The following SACS variants were observed in gnomAD, a reference collection of about 807,000 sequenced individuals.
SACS encodes sacsin molecular chaperone, also known as sacsin.
SACS carries 197 observed loss-of-function variants against 348.0 expected under a neutral mutation model. That is an observed-to-expected ratio of 0.57 (90% CI 0.50 to 0.64). SACS has a LOEUF of 0.64. Among genes scored for constraint, SACS ranks in the 30% least tolerant of loss-of-function variants. The probability of loss-of-function intolerance (pLI) is 0.00; values close to 1 mark genes in which losing one functional copy is unlikely to be tolerated. For missense variants in SACS, 4,999 were observed against 5,360.8 expected (o/e 0.93, Z 2.11); for synonymous variants, 1,985 against 1,910.6 (o/e 1.04, Z -1.02).
chr13:23,414,257 T>C (rs971907177), intron 1 of SACS, among the ~76,000 whole-genome samples: 2 of 152,106 alleles, frequency 1.3e-5, no homozygotes, highest in African/African-American at 4.8e-5. Context: ...TGAGCAGAGA[T>C]CGCACCACTG....
chr13:23,386,499 G>C (rs1278264160), intron 2 of SACS, among the ~76,000 whole-genome samples: 1 of 152,190 alleles, frequency 6.6e-6, no homozygotes, highest in East Asian at 1.9e-4. Flanking sequence ...TTTGGGTTAG[G>C]CTTTGGCTTA....
intron 1 of SACS, among the ~76,000 whole-genome samples, chr13:23,430,906 C>T (rs577117127): frequency 3.9e-5 from 6 of 152,150 alleles, no homozygotes; most frequent in Admixed American, 1.3e-4. Context: ...TTCACATCGT[C>T]GTCAATTTGA....
rs1370563155 is a variant in SACS at position 23,405,698 on chromosome 13, G to GA, written c.20+5521dup. ...CAAGGAACTTAAACAAATCTACAAG[G>GA]AAAAAAAAAACCCCATTAAAAAGTG... On this transcript the variant is annotated intron_variant, in intron 2 of 9. Coordinates refer to ENST00000382292, the MANE Select transcript of SACS (RefSeq NM_014363.6). Among the ~76,000 whole-genome samples the GA allele has an allele frequency of 3.2e-3, 462 of 144,876 alleles. 1 individual carries two copies. The highest frequency in any genetic ancestry group is 4.7e-3 in the Non-Finnish European group (311 of 65,774).
chr13:23,403,883 G>C (rs1225689958), intron 2 of SACS, among the ~76,000 whole-genome samples: 1 of 152,144 alleles, frequency 6.6e-6, no homozygotes, highest in Non-Finnish European at 1.5e-5. Context: ...TGGGCATTTA[G>C]TGCTATAAAT....
intron 1 of SACS, among the ~76,000 whole-genome samples, chr13:23,416,379 A>G (rs1593181064): frequency 6.6e-6 from 1 of 152,270 alleles, no homozygotes; most frequent in African/African-American, 2.4e-5. Flanking sequence ...CAAAGATACA[A>G]TGGGGACTAT....
intron 1 of SACS, among the ~76,000 whole-genome samples, chr13:23,412,684 GGGA>G (rs1483400953): frequency 4.6e-5 from 7 of 152,098 alleles, no homozygotes; most frequent in African/African-American, 1.7e-4. Context: ...CCAAACTGCT[GGGA>G]TTACAGGTGT....
rs536959439 is a variant in SACS, at chr13:23,394,647, AGTTTGAGACTG to A, written c.20+16562_20+16572del. On this transcript the variant is annotated intron_variant, in intron 2 of 9. Transcript: ENST00000382292. ...GGCAAGTGGATCACCTGAGGTCAGG[AGTTTGAGACTG>A]GTTTGGCCAACATGGTGAAACCCCA... 1.2e-3 allele frequency among the ~76,000 whole-genome samples: 188 copies of A among 152,314 alleles called. 1 individual carries two copies. The highest frequency in any genetic ancestry group is 2.9e-3 in the African/African-American group (119 of 41,570).
At chr13:23,399,781 C>T (rs1387089633) in intron 2 of SACS, among the ~76,000 whole-genome samples, 1 of 152,012 alleles carries the variant, frequency 6.6e-6, no homozygotes, top group African/African-American at 2.4e-5. Context: ...TCTAACATCC[C>T]CCATCACAGA....
chr13:23,343,277 AT>A (rs1187337520), intron 9 of SACS, among the ~76,000 whole-genome samples: 53 of 152,336 alleles, frequency 3.5e-4, no homozygotes, highest in African/African-American at 1.2e-3. Context: ...ATGAAAAAAA[AT>A]AACACCATAC....
In SACS at chr13:23,332,220, TG is replaced by T; in HGVS notation, c.11655del (p.Phe3885LeufsTer11). On this transcript the variant is annotated frameshift_variant, in exon 10 of 10. Coordinates refer to ENST00000382292, the MANE Select transcript of SACS (RefSeq NM_014363.6). LOFTEE classifies it high-confidence loss of function. Reference sequence around the variant, plus strand: ...TTGACTGAATCATTCTGTAGACTCCTGAACAGACCAGAAACTACTCTCTTAA... The same window carrying T: ...TTGACTGAATCATTCTGTAGACTCCTAACAGACCAGAAACTACTCTCTTAA... Reference protein sequence around the residue: ...RTVKRVVSGLFRSLQNDSVKV... With the variant: ...RTVKRVVSGLXRSLQNDSVKV... 1 of 1,613,998 alleles carries T rather than the reference TG, an allele frequency of 6.2e-7. No individual in the cohort carries two copies. The highest frequency in any genetic ancestry group is 1.1e-5 in the South Asian group (1 of 91,080).
intron 9 of SACS, among the ~76,000 whole-genome samples, chr13:23,346,636 TAAA>T (rs1164281959): frequency 6.6e-6 from 1 of 152,112 alleles, no homozygotes; most frequent in Middle Eastern, 3.2e-3. Flanking sequence ...TTTGTAATAA[TAAA>T]AATCTGTATT....
chr13:23,375,886 T>C (rs1416924011), intron 2 of SACS, among the ~76,000 whole-genome samples: 2 of 152,096 alleles, frequency 1.3e-5, no homozygotes, highest in African/African-American at 4.8e-5. Context: ...AGCTCAACAG[T>C]GCATTGAAAT....
At position 23,390,520 on chromosome 13, in the gene SACS, G is replaced by T. The variant is rs189942540; in HGVS notation, c.21-15251C>A. 1.8e-4 allele frequency among the ~76,000 whole-genome samples: 27 copies of T among 152,016 alleles called. No individual in the cohort carries two copies. In the East Asian group the frequency reaches 5.2e-3, roughly 30 times the overall value. ...ACAAAAAATATAAAAATTAGCTGGG[G>T]GACTAATTTTATATTTAGTGTGTGG... is the stretch of plus-strand genomic sequence containing the variant. On this transcript the variant is annotated intron_variant, in intron 2 of 9. Coordinates refer to ENST00000382292, the MANE Select transcript of SACS (RefSeq NM_014363.6).
rs1870103438 is a variant in SACS at position 23,353,429 on chromosome 13, G to T, written c.2185+356C>A. On this transcript the variant is annotated intron_variant, in intron 9 of 9. Coordinates refer to ENST00000382292, the MANE Select transcript of SACS (RefSeq NM_014363.6). The stretch of plus-strand genomic sequence containing the variant: ...TTAACCTTTCTCTCTCCTCTTCTGT[G>T]AAATTTAATAATCACTGTCATTACC... Among the ~76,000 whole-genome samples the T allele has an allele frequency of 3.3e-5, 5 of 152,180 alleles. No individual in the cohort carries two copies. The South Asian group carries it at 1.0e-3, about 31-fold the overall frequency.
chr13:23,424,450 G>A (rs1449386264), intron 1 of SACS, among the ~76,000 whole-genome samples: 4 of 152,122 alleles, frequency 2.6e-5, no homozygotes, highest in South Asian at 2.1e-4. Flanking sequence ...ACTTGAACCC[G>A]GGAGGCGGAG....
intron 1 of SACS, among the ~76,000 whole-genome samples, chr13:23,429,429 A>C (rs150881401): frequency 0.013 from 1,627 of 129,374 alleles, 35 homozygotes; most frequent in African/African-American, 0.045. Flanking sequence ...GTGGTGCGAT[A>C]TCGGCTCACT....
intron 5 of SACS, among the ~76,000 whole-genome samples, chr13:23,365,977 C>G (rs759456764): frequency 6.6e-6 from 1 of 152,086 alleles, no homozygotes; most frequent in Non-Finnish European, 1.5e-5. Context: ...ATTTCCAATC[C>G]TAACAACCCC....
In SACS at chr13:23,332,450, T is replaced by C; in HGVS notation, c.11426A>G (p.Glu3809Gly). Reference sequence around the variant, plus strand: ...ATATTCTAGGTTTATGACTACCTCCTCAGGCTTCAGAAGTTTCCAACCATC... The same window carrying C: ...ATATTCTAGGTTTATGACTACCTCCCCAGGCTTCAGAAGTTTCCAACCATC... ...VEDGWKLLKPEEVVINLEYES... is the reference protein window; with the variant it reads ...VEDGWKLLKPGEVVINLEYES... The change falls in exon 10 of 10, where the codon GAG becomes GGG. Residue 3809 changes from glutamate (E) to glycine (G), a missense_variant. Glu to Gly is a moderately conservative substitution (Grantham distance 98). This residue lies in a region of SACS where 831 missense variants were observed against 941.8 expected (regional missense o/e 0.88). Coordinates refer to ENST00000382292, the MANE Select transcript of SACS (RefSeq NM_014363.6). 6.2e-7 allele frequency: 1 copy of C among 1,614,020 alleles called. No individual in the cohort carries two copies. The highest frequency in any genetic ancestry group is 8.5e-7 in the Non-Finnish European group (1 of 1,179,914).
At chr13:23,354,459 A>T in intron 8 of SACS, 60 bp downstream of exon 8, 1 of 1,428,576 alleles carries the variant, frequency 7.0e-7, no homozygotes, top group South Asian at 1.2e-5. Flanking sequence ...GGACTCTCAC[A>T]GTGAGCAGGA....
Sources: allele counts gnomAD v4.1 joint callset (sites outside exome capture counted in the v4.1 genomes callset), GRCh38; gene constraint gnomAD v4.1.1; regional missense constraint gnomAD v4.1.1; transcripts MANE v1.5; gene names NCBI Gene and HGNC (gene_info 2026-07-23, HGNC 2026-07-21).